Variants in NBN observed in about 807,000 individuals in gnomAD.
The protein encoded by NBN is Nijmegen breakage syndrome 1 (nibrin).
NBN carries 88 observed loss-of-function variants against 90.8 expected under a neutral mutation model. The ratio of observed to expected loss-of-function variants is 0.97; its 90% CI spans 0.82 to 1.16. The LOEUF is 1.16. Among genes scored for constraint, NBN ranks in the 50% most tolerant of loss-of-function variants. The pLI, the probability that NBN is intolerant of heterozygous loss-of-function variation, is 0.00. For synonymous variants in NBN, 328 were observed against 295.1 expected (o/e 1.11, Z -1.14); for missense variants, 894 against 869.6 (o/e 1.03, Z -0.35).
intron 7 of NBN, among the ~76,000 whole-genome samples, chr8:89,969,843 T>A (rs775386828): frequency 6.6e-6 from 1 of 151,882 alleles, no homozygotes; most frequent in Non-Finnish European, 1.5e-5. Flanking sequence ...TCCCAGCTAC[T>A]AGAGTGGCTG....
chr8:89,942,012 C>T (rs1217031786), intron 14 of NBN, among the ~76,000 whole-genome samples: 1 of 152,114 alleles, frequency 6.6e-6, no homozygotes, highest in African/African-American at 2.4e-5. Flanking sequence ...TTTTGCCTTG[C>T]CCTATGAGTA....
At position 89,934,518 on chromosome 8, in the gene NBN, T is replaced by G. The variant is rs1468834530; in HGVS notation, c.*1064A>C. 1.7e-5 allele frequency: 4 copies of G among 233,076 alleles called. No individual in the cohort carries two copies. Among genetic ancestry groups the G allele is most frequent in the African/African-American group, 8.8e-5 (4 of 45,348 alleles). 14.4% of individuals were successfully genotyped at this position (233,076 alleles called of 1,614,324 possible). On this transcript the variant is annotated 3_prime_UTR_variant, in exon 16 of 16. Transcript: ENST00000265433. ...GCAAGTAGATGCACTTCCACAAGATTTGGAAGGTGAGAGTGATGTAGAGGC... is the reference window on the plus strand; with the variant it reads ...GCAAGTAGATGCACTTCCACAAGATGTGGAAGGTGAGAGTGATGTAGAGGC...
rs377610417 is a variant in NBN at position 89,981,299 on chromosome 8, T to C, written c.320+76A>G. The C allele has an allele frequency of 5.7e-5, 82 of 1,439,374 alleles. No individual in the cohort carries two copies. In the African/African-American group the frequency reaches 1.1e-3, roughly 18 times the overall value. 89.2% of individuals were successfully genotyped at this position (1,439,374 alleles called of 1,614,324 possible). A position where few individuals can be genotyped will look rare whatever the true frequency, so the allele number is the denominator to read the frequency against. Reference sequence around the variant, plus strand: ...AATTATACTGTTTTAAATTCATTAATCAGAAATATCATTTTCCTTTAGGAT... The same window carrying C: ...AATTATACTGTTTTAAATTCATTAACCAGAAATATCATTTTCCTTTAGGAT... On this transcript the variant is annotated intron_variant, in intron 3 of 15. Coordinates refer to ENST00000265433, the MANE Select transcript of NBN (RefSeq NM_002485.5).
rs2129830556 is a variant in NBN, at chr8:89,970,508, A to G, written c.752T>C (p.Leu251Ser). ...TTCTTCTTCATTCTCTTCTGTTATC[A>G]ACCTAGCTTCCCCACCTCCAAAGAC... Reference protein sequence around the residue: ...AVVFGGGEARLITEENEEEHN... With the variant: ...AVVFGGGEARSITEENEEEHN... Residue 251 changes from leucine (L) to serine (S), a missense_variant, in exon 7 of 16, where the codon TTG becomes TCG. Coordinates refer to ENST00000265433, the MANE Select transcript of NBN (RefSeq NM_002485.5). The G allele has an allele frequency of 6.2e-7, 1 of 1,613,934 alleles. No homozygotes were observed. Among genetic ancestry groups the G allele is most frequent in the Non-Finnish European group, 8.5e-7 (1 of 1,179,842 alleles).
chr8:89,954,153 T>C (rs1159154269), intron 10 of NBN, among the ~76,000 whole-genome samples: 1 of 152,114 alleles, frequency 6.6e-6, no homozygotes, highest in Non-Finnish European at 1.5e-5. Context: ...GACTGTATAC[T>C]GCAAATGCTA....
In NBN at chr8:89,943,374, A is replaced by G. The variant is rs1178683426; in HGVS notation, c.2071-8T>C. ...TGCTCCAGGATATGTGACCTATTGA[A>G]TAATAAAAGTAGTACAGTAAATCAT... On this transcript the variant is annotated splice_region_variant and splice_polypyrimidine_tract_variant and intron_variant, in intron 13 of 15. Transcript: ENST00000265433. 2 of 1,599,846 alleles carry G rather than the reference A, an allele frequency of 1.3e-6. No homozygotes were observed. The highest frequency in any genetic ancestry group is 2.7e-5 in the African/African-American group (2 of 74,604).
Position 89,934,158 on chromosome 8 carries a change from T to A in NBN, c.*1424A>T, listed in dbSNP as rs1447778204. The A allele has an allele frequency of 8.7e-6, 2 of 231,074 alleles. No homozygotes were observed. Among genetic ancestry groups the A allele is most frequent in the Non-Finnish European group, 1.7e-5 (2 of 116,836 alleles). 14.3% of individuals were successfully genotyped at this position (231,074 alleles called of 1,614,324 possible). On this transcript the variant is annotated 3_prime_UTR_variant, in exon 16 of 16. Coordinates refer to ENST00000265433, the MANE Select transcript of NBN (RefSeq NM_002485.5). ...AATGGAGACCATATGTTCCACCAGCTTCACTTGGTAATTATGATACATGGC... is the reference window on the plus strand; with the variant it reads ...AATGGAGACCATATGTTCCACCAGCATCACTTGGTAATTATGATACATGGC...
intron 1 of NBN, among the ~76,000 whole-genome samples, chr8:89,983,796 C>T (rs556020798): frequency 1.3e-3 from 193 of 152,086 alleles, no homozygotes; most frequent in Admixed American, 2.0e-3. Context: ...TCCAGAAGAG[C>T]CAGGTCTCCA....
chr8:89,936,909 G>T, intron 15 of NBN, 117 bp downstream of exon 15: 1 of 761,594 alleles, frequency 1.3e-6, no homozygotes, highest in African/African-American at 1.7e-5. Context: ...ACTTGTGTTA[G>T]GTGAAGGGAC....
intron 5 of NBN, among the ~76,000 whole-genome samples, chr8:89,977,449 GT>G (rs1811819598): frequency 6.6e-6 from 1 of 152,096 alleles, no homozygotes; most frequent in Admixed American, 6.6e-5. Flanking sequence ...ATGTGCATAG[GT>G]ATGGACATAT....
At position 89,964,402 on chromosome 8, in the gene NBN, T is replaced by A. The variant is rs2129785103; in HGVS notation, c.994+8A>T. On this transcript the variant is annotated splice_region_variant and intron_variant, in intron 8 of 15. Transcript: ENST00000265433. ...GCTAACGAATCAATAAAATAATGCT[T>A]CAATTACCTGTACTGGGATGGCCCT... 6.2e-7 allele frequency: 1 copy of A among 1,613,646 alleles called. No individual in the cohort carries two copies. The highest frequency in any genetic ancestry group is 8.5e-7 in the Non-Finnish European group (1 of 1,179,704).
At chr8:89,945,619 T>C (rs1810150918) in intron 13 of NBN, among the ~76,000 whole-genome samples, 2 of 152,162 alleles carry the variant, frequency 1.3e-5, no homozygotes, top group Non-Finnish European at 2.9e-5. Flanking sequence ...ACCTACTGGA[T>C]AGAAGTCTTT....
chr8:89,966,781 T>C lies in NBN; in HGVS notation c.897-2274A>G, dbSNP rs535040430. On this transcript the variant is annotated intron_variant, in intron 7 of 15. Transcript: ENST00000265433. ...TGTTCTACCAGCTAGGAGGACTTCA[T>C]GGAAGTTATACTAATTAAGACAATG... Among the ~76,000 whole-genome samples, 3 of 152,290 alleles carry C rather than the reference T, an allele frequency of 2.0e-5. No homozygotes were observed. In the South Asian group the frequency reaches 6.2e-4, roughly 32 times the overall value.
rs1187374555 is a variant in NBN, at chr8:89,978,201, T to C, written c.584+19A>G. 2 of 1,585,848 alleles carry C rather than the reference T, an allele frequency of 1.3e-6. No individual in the cohort carries two copies. Among genetic ancestry groups the C allele is most frequent in the Admixed American group, 1.7e-5 (1 of 59,936 alleles). ...ATCATATAAGTGACATCTTGTTATA[T>C]TTAAAATACATAATATACCTTTCAA... On this transcript the variant is annotated intron_variant, in intron 5 of 15. Coordinates refer to ENST00000265433, the MANE Select transcript of NBN (RefSeq NM_002485.5).
In NBN at chr8:89,964,452, T is replaced by C; in HGVS notation, c.952A>G (p.Thr318Ala). Residue 318 changes from threonine (T) to alanine (A), a missense_variant, in exon 8 of 16, where the codon ACT becomes GCT. Physicochemically the swap from Thr to Ala is moderately conservative, Grantham distance 58. Coordinates refer to ENST00000265433, the MANE Select transcript of NBN (RefSeq NM_002485.5). ...TGAGGATCACAGTAATTCTTTGTAGTCATGAAAATCACCGCCAATCCAATT... is the reference window on the plus strand; with the variant it reads ...TGAGGATCACAGTAATTCTTTGTAGCCATGAAAATCACCGCCAATCCAATT... The part of the protein sequence containing the change: ...AEIGLAVIFM[T>A]TKNYCDPQGH... The C allele has an allele frequency of 6.2e-7, 1 of 1,613,602 alleles. No homozygotes were observed. Among genetic ancestry groups the C allele is most frequent in the South Asian group, 1.1e-5 (1 of 91,080 alleles).
intron 5 of NBN, among the ~76,000 whole-genome samples, chr8:89,973,760 A>ATTTT (rs1811619956): frequency 6.6e-6 from 1 of 152,208 alleles, no homozygotes; most frequent in Non-Finnish European, 1.5e-5. Context: ...CTAGTACAAA[A>ATTTT]ACTGGAAAAT....
intron 9 of NBN, among the ~76,000 whole-genome samples, chr8:89,956,481 A>C (rs1469714912): frequency 1.3e-5 from 2 of 152,094 alleles, no homozygotes; most frequent in Non-Finnish European, 2.9e-5. Flanking sequence ...TCTTCAGATA[A>C]AGAACCATAG....
intron 8 of NBN, among the ~76,000 whole-genome samples, chr8:89,961,823 T>A (rs1176584972): frequency 6.6e-6 from 1 of 152,096 alleles, no homozygotes; most frequent in Non-Finnish European, 1.5e-5. Context: ...CATAGTGAAA[T>A]ATTAACTGTA....
intron 13 of NBN, 35 bp from the exon 14 acceptor site, chr8:89,943,401 T>G: frequency 6.3e-7 from 1 of 1,581,742 alleles, no homozygotes; most frequent in Non-Finnish European, 8.7e-7. Context: ...GTAAATCATA[T>G]TAACAAACAA....
Sources: gnomAD v4.1 joint callset for allele counts (sites outside exome capture counted in the v4.1 genomes callset) on GRCh38, gnomAD v4.1.1 for gene constraint, MANE v1.5 for transcripts, NCBI Gene and HGNC (gene_info 2026-07-23, HGNC 2026-07-21) for gene names.